MYT1L: variants seen among roughly 807,000 people sequenced by gnomAD.
MYT1L encodes myelin transcription factor 1 like, also known as myelin transcription factor 1-like protein.
In MYT1L, 12 loss-of-function variants were observed where a neutral mutation model predicts 126.7. That is an observed-to-expected ratio of 0.09 (90% CI 0.06 to 0.15). The LOEUF is 0.15. Ranked by LOEUF, MYT1L falls within the 10% of genes least tolerant of loss-of-function variation. The pLI is 1.00. For missense variants in MYT1L, 979 were observed against 1,585.2 expected (o/e 0.62, Z 6.49); for synonymous variants, 541 against 604.2 (o/e 0.90, Z 1.53).
intron 1 of MYT1L, among the ~76,000 whole-genome samples, chr2:2,292,007 GT>G (rs1452780246): frequency 6.6e-6 from 1 of 152,250 alleles, no homozygotes; most frequent in Non-Finnish European, 1.5e-5. Flanking sequence ...AGAGGAGCGG[GT>G]GGGGCCCGAC....
At chr2:2,253,615 T>C (rs189054370) in intron 2 of MYT1L, among the ~76,000 whole-genome samples, 1 of 151,886 alleles carries the variant, frequency 6.6e-6, no homozygotes, top group South Asian at 2.1e-4. Flanking sequence ...GGCTGAGAGC[T>C]GAGAGGAGAA....
intron 1 of MYT1L, among the ~76,000 whole-genome samples, chr2:2,299,227 C>A (rs570997846): frequency 3.9e-5 from 6 of 152,308 alleles, no homozygotes; most frequent in African/African-American, 1.4e-4. Flanking sequence ...AGGGACTTGG[C>A]ACTAAGAATT....
chr2:2,304,203 G>T (rs927764652), intron 1 of MYT1L, among the ~76,000 whole-genome samples: 1 of 152,198 alleles, frequency 6.6e-6, no homozygotes, highest in African/African-American at 2.4e-5. Context: ...AAATCCATAT[G>T]GTGGAACGTA....
Position 1,792,552 on chromosome 2 carries a change from G to A in MYT1L, c.3277-88C>T, listed in dbSNP as rs190967170. The A allele has an allele frequency of 5.0e-4, 697 of 1,382,358 alleles. 8 individuals are homozygous for A. The East Asian group carries it at 0.015, about 30-fold the overall frequency. The allele number at this position is 1,382,358 out of a possible 1,614,324, so 85.6% of individuals were successfully genotyped here. On this transcript the variant is annotated intron_variant, in intron 23 of 24. Coordinates refer to ENST00000647738, the MANE Select transcript of MYT1L (RefSeq NM_001303052.2). ...CCGGGGGCCACAGTCTACTGGGTGCGAAGAAGGGGCCTCTCGCTGAAGGAG... is the reference window on the plus strand; with the variant it reads ...CCGGGGGCCACAGTCTACTGGGTGCAAAGAAGGGGCCTCTCGCTGAAGGAG...
At chr2:2,180,649 T>C (rs1001344558) in intron 2 of MYT1L, among the ~76,000 whole-genome samples, 1 of 151,828 alleles carries the variant, frequency 6.6e-6, no homozygotes, top group Non-Finnish European at 1.5e-5. Flanking sequence ...CCTGTATCTG[T>C]ACCTGTGTAT....
intron 2 of MYT1L, among the ~76,000 whole-genome samples, chr2:2,189,269 G>A (rs2092422589): frequency 6.6e-6 from 1 of 152,198 alleles, no homozygotes. Context: ...ATGTTCTCCT[G>A]GAGCAGTTCC....
At chr2:2,028,597 T>C (rs902438517) in intron 4 of MYT1L, among the ~76,000 whole-genome samples, 7 of 152,196 alleles carry the variant, frequency 4.6e-5, no homozygotes, top group African/African-American at 1.7e-4. Context: ...ATTTTGTGTA[T>C]GGTGACAAAA....
At chr2:1,996,997 G>GGA in intron 5 of MYT1L, among the ~76,000 whole-genome samples, 194 bp downstream of exon 5, 1 of 142,628 alleles carries the variant, frequency 7.0e-6, no homozygotes, top group East Asian at 2.2e-4. Context: ...TTTACCTAGT[G>GGA]AGGGCCGCCC....
Position 2,135,207 on chromosome 2 carries a change from T to TGG in MYT1L, c.-304+37663_-304+37664dup, listed in dbSNP as rs199677382. Among the ~76,000 whole-genome samples the TGG allele has an allele frequency of 7.0e-4, 107 of 152,220 alleles. No individual in the cohort carries two copies. The East Asian group carries it at 0.017, about 25-fold the overall frequency. On this transcript the variant is annotated intron_variant, in intron 3 of 24. Transcript: ENST00000647738. ...CCCACGTGTCATGGGAGGGGCCTGG[T>TGG]GGAGGGTAATTGAATCATGGAGGTG...
chr2:1,923,285 C>CA (rs1255215919), intron 9 of MYT1L, 22 bp from the exon 10 acceptor site: 4 of 1,534,142 alleles, frequency 2.6e-6, no homozygotes, highest in South Asian at 1.2e-5. Context: ...ATAAAAAAGA[C>CA]AAAAAAGAAA....
chr2:1,924,998 C>T (rs1315000410), intron 9 of MYT1L, among the ~76,000 whole-genome samples: 1 of 152,130 alleles, frequency 6.6e-6, no homozygotes, highest in African/African-American at 2.4e-5. Context: ...ACAGAAGTTT[C>T]CTCAGAATAA....
intron 23 of MYT1L, among the ~76,000 whole-genome samples, chr2:1,799,366 C>G (rs56092019): frequency 6.6e-6 from 1 of 152,280 alleles, no homozygotes; most frequent in African/African-American, 2.4e-5. Context: ...TAGGCACATG[C>G]GTTGTTCTTT....
chr2:2,196,177 C>G (rs2092790657), intron 2 of MYT1L, among the ~76,000 whole-genome samples: 1 of 151,224 alleles, frequency 6.6e-6, no homozygotes, highest in Non-Finnish European at 1.5e-5. Flanking sequence ...CATTTCTCAG[C>G]AAAAAATGAT....
rs1291987301 is a variant in MYT1L, at chr2:1,912,385, C to T, written c.1619-275G>A. Among the ~76,000 whole-genome samples the T allele has an allele frequency of 6.6e-6, 1 of 152,190 alleles. No homozygotes were observed. ...GAAAGAAGGTTGACGGGACTCTATGCTAAGGGCCTCACACAGCAGAGGCGC... is the reference window on the plus strand; with the variant it reads ...GAAAGAAGGTTGACGGGACTCTATGTTAAGGGCCTCACACAGCAGAGGCGC... On this transcript the variant is annotated intron_variant, in intron 11 of 24. Coordinates refer to ENST00000647738, the MANE Select transcript of MYT1L (RefSeq NM_001303052.2). This position sits in a 1 kb window ranked among gnomAD's most constrained non-coding sequence, Gnocchi z 4.3.
intron 16 of MYT1L, among the ~76,000 whole-genome samples, chr2:1,888,329 G>A (rs1003486844): frequency 6.6e-6 from 1 of 152,088 alleles, no homozygotes; most frequent in Non-Finnish European, 1.5e-5. Flanking sequence ...CACTGCGGGA[G>A]AAAAAAATAC....
intron 4 of MYT1L, among the ~76,000 whole-genome samples, chr2:2,002,530 G>A (rs564945933): frequency 2.0e-5 from 3 of 152,334 alleles, no homozygotes; most frequent in South Asian, 4.1e-4. Context: ...GAGACAATGA[G>A]GATGGAATGT....
At chr2:2,214,900 A>G (rs2093635082) in intron 2 of MYT1L, among the ~76,000 whole-genome samples, 2 of 152,352 alleles carry the variant, frequency 1.3e-5, no homozygotes, top group South Asian at 2.1e-4. Flanking sequence ...TGTAACATAT[A>G]TAAAAATAAA....
At chr2:1,873,496 A>G (rs1353048684) in intron 18 of MYT1L, among the ~76,000 whole-genome samples, 1 of 152,188 alleles carries the variant, frequency 6.6e-6, no homozygotes, top group African/African-American at 2.4e-5. Flanking sequence ...AGCTGATTGA[A>G]CCCAAACTCA....
intron 18 of MYT1L, among the ~76,000 whole-genome samples, chr2:1,876,995 G>T (rs550994175): frequency 1.3e-5 from 2 of 152,284 alleles, no homozygotes; most frequent in East Asian, 3.9e-4. Context: ...CCCACGGGAG[G>T]ACCACAGCTC....
Sources: gnomAD v4.1 joint callset for allele counts (sites outside exome capture counted in the v4.1 genomes callset) on GRCh38, gnomAD v4.1.1 for gene constraint, Gnocchi (gnomAD v3.1) non-coding constraint, MANE v1.5 for transcripts, NCBI Gene and HGNC (gene_info 2026-07-23, HGNC 2026-07-21) for gene names.